Variants in BCAS4 observed in about 807,000 individuals in gnomAD.
The protein encoded by BCAS4 is breast carcinoma amplified sequence 4.
In BCAS4, 9 loss-of-function variants were observed where a neutral mutation model predicts 15.7. The observed-to-expected ratio is 0.57, with a 90% confidence interval of 0.34 to 1.00. BCAS4 has a LOEUF of 1.00. BCAS4 is among the 50% of genes least tolerant of loss of function. The pLI, the probability that BCAS4 is intolerant of heterozygous loss-of-function variation, is 0.02. For missense variants in BCAS4, 225 were observed against 239.1 expected (o/e 0.94, Z 0.39); for synonymous variants, 101 against 99.5 (o/e 1.02, Z -0.09).
intron 1 of BCAS4, among the ~76,000 whole-genome samples, chr20:50,802,042 T>A (rs2087933869): frequency 6.6e-6 from 1 of 151,924 alleles, no homozygotes; most frequent in Admixed American, 6.6e-5. Flanking sequence ...AGGTTCTGAT[T>A]TATCGACTTG....
At chr20:50,857,471 T>C (rs919769486) in intron 4 of BCAS4, among the ~76,000 whole-genome samples, 1 of 152,222 alleles carries the variant, frequency 6.6e-6, no homozygotes, top group African/African-American at 2.4e-5. Flanking sequence ...ATGAGCATAA[T>C]GCCCTATGAG....
At chr20:50,837,766 C>T (rs147773397) in intron 3 of BCAS4, among the ~76,000 whole-genome samples, 23 of 152,308 alleles carry the variant, frequency 1.5e-4, no homozygotes, top group African/African-American at 4.3e-4. Flanking sequence ...GTTCAGACAT[C>T]GCGAGTACAC....
At chr20:50,869,586 G>A (rs1979530241) in intron 4 of BCAS4, among the ~76,000 whole-genome samples, 1 of 152,138 alleles carries the variant, frequency 6.6e-6, no homozygotes, top group African/African-American at 2.4e-5. Context: ...GGTGGGCCTG[G>A]CCTTGCAACT....
At chr20:50,846,434 A>G (rs1349149232) in intron 4 of BCAS4, among the ~76,000 whole-genome samples, 1 of 152,038 alleles carries the variant, frequency 6.6e-6, no homozygotes, top group East Asian at 1.9e-4. Context: ...GGAACTACAT[A>G]GGGAGACCAC....
At position 50,806,620 on chromosome 20, in the gene BCAS4, G is replaced by C. The variant is rs148759037; in HGVS notation, c.90+11447G>C. On this transcript the variant is annotated intron_variant, in intron 1 of 4. Transcript: ENST00000371608. ...GGACATCTCAGTTCTCCTCCATGTG[G>C]CCTCTCAACCTCTAGAGCCTCGCTC... is the stretch of plus-strand genomic sequence containing the variant. Among the ~76,000 whole-genome samples, 1,216 of 152,254 alleles carry C rather than the reference G, an allele frequency of 8.0e-3. 15 individuals are homozygous for C. The highest frequency in any genetic ancestry group is 0.028 in the African/African-American group (1,176 of 41,548).
intron 4 of BCAS4, among the ~76,000 whole-genome samples, chr20:50,863,761 C>A (rs969170021): frequency 6.6e-6 from 1 of 152,162 alleles, no homozygotes; most frequent in Non-Finnish European, 1.5e-5. Flanking sequence ...TGACTGCAGG[C>A]GTCTGGGCCT....
At chr20:50,826,390 G>A (rs530316039) in intron 2 of BCAS4, among the ~76,000 whole-genome samples, 1 of 152,230 alleles carries the variant, frequency 6.6e-6, no homozygotes, top group African/African-American at 2.4e-5. Context: ...TTGCTGCCCG[G>A]GGAGACTCAG....
chr20:50,842,388 TG>T (rs1288364457), intron 4 of BCAS4, among the ~76,000 whole-genome samples: 6 of 152,324 alleles, frequency 3.9e-5, no homozygotes, highest in Non-Finnish European at 2.9e-5. Context: ...ATCCTCTCCG[TG>T]GCCCCGCAAG....
chr20:50,795,053 C>T, upstream of BCAS4: 1 of 1,476,584 alleles, frequency 6.8e-7, no homozygotes, highest in Non-Finnish European at 9.0e-7. Context: ...TCCCAGGCAG[C>T]CTCCGCCAGC....
intron 2 of BCAS4, among the ~76,000 whole-genome samples, chr20:50,819,140 G>A (rs1027553583): frequency 4.0e-5 from 6 of 151,800 alleles, no homozygotes; most frequent in Admixed American, 2.0e-4. Flanking sequence ...CTGAGATTGC[G>A]CCACTGCACT....
intron 2 of BCAS4, among the ~76,000 whole-genome samples, chr20:50,824,223 G>A (rs1290462728): frequency 6.6e-6 from 1 of 152,248 alleles, no homozygotes; most frequent in Non-Finnish European, 1.5e-5. Context: ...TTCTGCCAAG[G>A]AGCAGAGTCT....
chr20:50,881,334 T>A (rs1173911972), downstream of BCAS4: 1 of 152,200 alleles, frequency 6.6e-6, no homozygotes, highest in Non-Finnish European at 1.5e-5. Flanking sequence ...TATATAAAAT[T>A]TTTAAACTTC....
At chr20:50,863,105 C>T (rs1308676539) in intron 4 of BCAS4, among the ~76,000 whole-genome samples, 3 of 151,692 alleles carry the variant, frequency 2.0e-5, no homozygotes, top group East Asian at 2.0e-4. Flanking sequence ...GCTGGGATTA[C>T]AGGCATGAGC....
chr20:50,804,244 G>A (rs2087963328), intron 1 of BCAS4, among the ~76,000 whole-genome samples: 1 of 152,044 alleles, frequency 6.6e-6, no homozygotes, highest in Non-Finnish European at 1.5e-5. Context: ...TCACCATGTT[G>A]GCCAGGCTGA....
chr20:50,796,620 G>A (rs1160099181), intron 1 of BCAS4, among the ~76,000 whole-genome samples: 1 of 138,284 alleles, frequency 7.2e-6, no homozygotes, highest in African/African-American at 2.7e-5. Context: ...TCAGCCTCCC[G>A]AGTAGCTGGG....
chr20:50,813,597 C>T (rs897322248), intron 1 of BCAS4, among the ~76,000 whole-genome samples: 6 of 151,010 alleles, frequency 4.0e-5, no homozygotes, highest in African/African-American at 1.5e-4. Context: ...GTCAAGGGTG[C>T]TCCGAAGTAT....
At chr20:50,868,563 C>T (rs554377208) in intron 4 of BCAS4, among the ~76,000 whole-genome samples, 2 of 152,320 alleles carry the variant, frequency 1.3e-5, no homozygotes, top group African/African-American at 4.8e-5. Flanking sequence ...GCTGGGACTA[C>T]AGGTGTGTGC....
rs376077982 is a variant in BCAS4, at chr20:50,822,937, G to GT, written c.162+4657dup. ...GCCACTGCACCCAGCCTCTTACAAA[G>GT]TTGAACATGTGCTTAACCCACATCC... is the stretch of plus-strand genomic sequence containing the variant. On this transcript the variant is annotated intron_variant, in intron 2 of 4. Transcript: ENST00000371608. Among the ~76,000 whole-genome samples, 411 of 152,044 alleles carry GT rather than the reference G, an allele frequency of 2.7e-3. 3 individuals carry two copies. Among genetic ancestry groups the GT allele is most frequent in the African/African-American group, 9.6e-3 (398 of 41,498 alleles).
At chr20:50,820,881 A>C (rs2088204768) in intron 2 of BCAS4, among the ~76,000 whole-genome samples, 1 of 152,132 alleles carries the variant, frequency 6.6e-6, no homozygotes, top group Admixed American at 6.5e-5. Flanking sequence ...TCCTGCCTGC[A>C]GATAATTTGA....
Sources: allele counts gnomAD v4.1 joint callset (sites outside exome capture counted in the v4.1 genomes callset), GRCh38; gene constraint gnomAD v4.1.1; transcripts MANE v1.5; gene names NCBI Gene and HGNC (gene_info 2026-07-23, HGNC 2026-07-21).